Variants in ZBTB46 observed in about 807,000 individuals in gnomAD.
ZBTB46 encodes the protein zinc finger and BTB domain-containing protein 46.
ZBTB46 carries 8 observed loss-of-function variants against 44.1 expected under a neutral mutation model. The observed-to-expected ratio is 0.18, with a 90% confidence interval of 0.11 to 0.33. ZBTB46 has a LOEUF of 0.33. Among genes scored for constraint, ZBTB46 ranks in the 10% least tolerant of loss-of-function variants. The pLI is 1.00. For missense variants in ZBTB46, 651 were observed against 847.7 expected (o/e 0.77, Z 2.88); for synonymous variants, 409 against 382.3 (o/e 1.07, Z -0.81).
At chr20:63,759,774 C>CTT (rs34922936) in intron 3 of ZBTB46, among the ~76,000 whole-genome samples, 1 of 149,810 alleles carries the variant, frequency 6.7e-6, no homozygotes, top group Non-Finnish European at 1.5e-5. Flanking sequence ...AAAAGGTTAA[C>CTT]TTTTTTTTTT....
intron 3 of ZBTB46, among the ~76,000 whole-genome samples, chr20:63,764,341 C>A (rs1455243078): frequency 6.6e-6 from 1 of 151,624 alleles, no homozygotes; most frequent in Non-Finnish European, 1.5e-5. Flanking sequence ...GAGGCTGAGG[C>A]AGGAGAATCA....
In ZBTB46 at chr20:63,745,324, G is replaced by C. The variant is rs957723235; in HGVS notation, c.*1606C>G. The C allele has an allele frequency of 3.3e-5, 5 of 152,308 alleles. No homozygotes were observed. The highest frequency in any genetic ancestry group is 2.0e-4 in the Admixed American group (3 of 15,286). 9.4% of individuals were successfully genotyped at this position (152,308 alleles called of 1,614,324 possible). Reference sequence around the variant, plus strand: ...CAGCCAGGGCACCCTGTCATTGGTAGAACCGGGGGCCAATGTCAAAAAACA... The same window carrying C: ...CAGCCAGGGCACCCTGTCATTGGTACAACCGGGGGCCAATGTCAAAAAACA... On this transcript the variant is annotated 3_prime_UTR_variant, in exon 5 of 5. Transcript: ENST00000245663.
chr20:63,747,542 G>GC (rs1282419364), intron 4 of ZBTB46, among the ~76,000 whole-genome samples: 7 of 103,764 alleles, frequency 6.7e-5, no homozygotes, highest in African/African-American at 2.3e-4. Context: ...TGGGTGGGGG[G>GC]GGTGCGGGGG....
At chr20:63,799,848 C>A (rs1291266560) in intron 1 of ZBTB46, among the ~76,000 whole-genome samples, 2 of 152,120 alleles carry the variant, frequency 1.3e-5, no homozygotes, top group South Asian at 2.1e-4. Context: ...GCACCTGGAG[C>A]CTGCTCAGCT....
chr20:63,831,465 GC>G (rs1457625442), upstream of ZBTB46, among the ~76,000 whole-genome samples: 5 of 145,106 alleles, frequency 3.4e-5, no homozygotes, highest in Non-Finnish European at 7.6e-5. Context: ...CCGGCGCCGC[GC>G]CGCGGGGTCG....
At position 63,752,571 on chromosome 20, in the gene ZBTB46, G is replaced by T. The variant is rs993979997; in HGVS notation, c.1398+115C>A. 8 of 1,284,548 alleles carry T rather than the reference G, an allele frequency of 6.2e-6. No individual in the cohort carries two copies. Among genetic ancestry groups the T allele is most frequent in the Middle Eastern group, 2.8e-4 (1 of 3,524 alleles). 79.6% of individuals were successfully genotyped at this position (1,284,548 alleles called of 1,614,324 possible). A position where few individuals can be genotyped will look rare whatever the true frequency, so the allele number is the denominator to read the frequency against. ...TCCCTGCCCTGCTGTCGTCCCCCCT[G>T]TGCAGAGTGGACCCGGTGTGGGGTC... On this transcript the variant is annotated intron_variant, in intron 4 of 4. Transcript: ENST00000245663. The surrounding 1 kb of genome is among the most constrained non-coding windows in gnomAD (Gnocchi z 5.6).
At chr20:63,776,005 C>T (rs2145867454) in intron 2 of ZBTB46, 43 bp from the exon 3 acceptor site, 2 of 1,503,474 alleles carry the variant, frequency 1.3e-6, no homozygotes, top group Non-Finnish European at 1.8e-6. Context: ...GGGTCGTTCC[C>T]AGACTCTCCA....
chr20:63,816,142 T>A (rs781150443), intron 1 of ZBTB46, among the ~76,000 whole-genome samples: 1 of 94,650 alleles, frequency 1.1e-5, no homozygotes, highest in Admixed American at 1.1e-4. Context: ...GTGCAGTGGG[T>A]GCAGGTGCAG....
rs1568856980 is a variant in ZBTB46, at chr20:63,777,083, CCACACGCCACGGTTCCAG to C, written c.938-1139_938-1122del. Among the ~76,000 whole-genome samples the C allele has an allele frequency of 4.9e-4, 16 of 32,772 alleles. 1 individual carries two copies. The South Asian group carries it at 8.5e-3, about 17-fold the overall frequency. The allele number at this position is 32,772 out of a possible 152,430, so 21.5% of individuals were successfully genotyped here. ...GGTTCCAGCACACGCCACGGTTCCACCACACGCCACGGTTCCAGCACACGCCACGGTTCCACCACACGC... is the reference window on the plus strand; with the variant it reads ...GGTTCCAGCACACGCCACGGTTCCACCACACGCCACGGTTCCACCACACGC... On this transcript the variant is annotated intron_variant, in intron 2 of 4. Transcript: ENST00000245663.
intron 1 of ZBTB46, among the ~76,000 whole-genome samples, chr20:63,825,336 G>A (rs987719762): frequency 2.7e-5 from 4 of 149,732 alleles, no homozygotes; most frequent in African/African-American, 9.8e-5. Flanking sequence ...GGGAGGCAGA[G>A]GTTGTAATGA....
chr20:63,818,051 C>A (rs919768446), intron 1 of ZBTB46, among the ~76,000 whole-genome samples: 3 of 152,226 alleles, frequency 2.0e-5, no homozygotes, highest in East Asian at 1.9e-4. Context: ...AGAGACTGCA[C>A]GGCACCACGC....
intron 1 of ZBTB46, among the ~76,000 whole-genome samples, chr20:63,811,918 G>C (rs552390979): frequency 6.6e-6 from 1 of 152,172 alleles, no homozygotes; most frequent in Admixed American, 6.5e-5. Context: ...TTCAGACCAA[G>C]TACTTGCCTG....
chr20:63,788,384 A>C (rs1416585428), intron 2 of ZBTB46: 1 of 152,280 alleles, frequency 6.6e-6, no homozygotes, highest in Non-Finnish European at 1.5e-5. Context: ...AATGGTGGCC[A>C]GTATTCAGCA....
intron 1 of ZBTB46, among the ~76,000 whole-genome samples, chr20:63,802,866 G>A (rs950163775): frequency 4.6e-5 from 7 of 151,866 alleles, no homozygotes; most frequent in African/African-American, 1.7e-4. Context: ...CAGGCCCCCA[G>A]CACCCTCCCA....
rs561548459 is a variant in ZBTB46, at chr20:63,744,197, T to C, written c.*2733A>G. The stretch of plus-strand genomic sequence containing the variant: ...AGCTAAAATAAGATTACTTCTTTTA[T>C]AATATTGCAAAAAGTTCCAGTTTTT... On this transcript the variant is annotated 3_prime_UTR_variant, in exon 5 of 5. Coordinates refer to ENST00000245663, the MANE Select transcript of ZBTB46 (RefSeq NM_001369741.1). The C allele has an allele frequency of 6.6e-6, 1 of 152,322 alleles. No individual in the cohort carries two copies. Among genetic ancestry groups the C allele is most frequent in the African/African-American group, 2.4e-5 (1 of 41,568 alleles). The allele number at this position is 152,322 out of a possible 1,614,324, so 9.4% of individuals were successfully genotyped here.
intron 1 of ZBTB46, among the ~76,000 whole-genome samples, chr20:63,827,766 A>G (rs1469304669): frequency 6.6e-6 from 1 of 152,264 alleles, no homozygotes; most frequent in Non-Finnish European, 1.5e-5. Context: ...ATAATTTTAA[A>G]TTGTAAATTA....
At chr20:63,770,148 C>T (rs1242088118) in intron 3 of ZBTB46, among the ~76,000 whole-genome samples, 2 of 152,214 alleles carry the variant, frequency 1.3e-5, no homozygotes, top group African/African-American at 2.4e-5. Flanking sequence ...CTTACAGTCT[C>T]CTGTCCCCGG....
At chr20:63,830,035 T>C (rs1037373378) in intron 1 of ZBTB46, among the ~76,000 whole-genome samples, 2 of 152,228 alleles carry the variant, frequency 1.3e-5, no homozygotes, top group Non-Finnish European at 2.9e-5. Flanking sequence ...AAATGCATCG[T>C]TGAGATTGCA....
chr20:63,803,548 G>A lies in ZBTB46; in HGVS notation c.-33-12758C>T, dbSNP rs535539010. ...CTGAAGATGCAAAGCCATGTCTGCC[G>A]GCCCCGGGCTGCCCAGGCCCCGGGC... On this transcript the variant is annotated intron_variant, in intron 1 of 4. Coordinates refer to ENST00000245663, the MANE Select transcript of ZBTB46 (RefSeq NM_001369741.1). The surrounding 1 kb of genome is among the most constrained non-coding windows in gnomAD (Gnocchi z 4.0). 6 of 978,708 alleles carry A rather than the reference G, an allele frequency of 6.1e-6. No individual in the cohort carries two copies. The highest frequency in any genetic ancestry group is 1.1e-4 in the East Asian group (1 of 8,708). 60.6% of individuals were successfully genotyped at this position (978,708 alleles called of 1,614,324 possible). A position where few individuals can be genotyped will look rare whatever the true frequency, so the allele number is the denominator to read the frequency against.
Sources: allele counts gnomAD v4.1 joint callset (sites outside exome capture counted in the v4.1 genomes callset), GRCh38; gene constraint gnomAD v4.1.1; non-coding constraint Gnocchi (gnomAD v3.1); transcripts MANE v1.5; gene names NCBI Gene and HGNC (gene_info 2026-07-23, HGNC 2026-07-21).